PPP3CA: variants seen among roughly 807,000 people sequenced by gnomAD.
PPP3CA encodes the protein protein phosphatase 3 catalytic subunit alpha.
PPP3CA carries 14 observed loss-of-function variants against 66.5 expected under a neutral mutation model. That is an observed-to-expected ratio of 0.21 (90% confidence interval 0.14 to 0.33). The LOEUF is 0.33. PPP3CA is among the 10% of genes least tolerant of loss of function. PPP3CA has a pLI of 1.00. For synonymous variants in PPP3CA, 232 were observed against 226.2 expected (o/e 1.03, Z -0.23); for missense variants, 317 against 639.5 (o/e 0.50, Z 5.44).
chr4:101,173,369 G>T (rs1462033605), intron 2 of PPP3CA, among the ~76,000 whole-genome samples: 2 of 151,000 alleles, frequency 1.3e-5, no homozygotes, highest in African/African-American at 4.9e-5. Context: ...CAATTTGAGT[G>T]CTAAGGAAAA....
chr4:101,241,068 T>C (rs529593491), intron 1 of PPP3CA, among the ~76,000 whole-genome samples: 18 of 152,088 alleles, frequency 1.2e-4, no homozygotes, highest in African/African-American at 2.4e-4. Context: ...CGTCTCCCTA[T>C]GTTGCCCAGG....
intron 2 of PPP3CA, among the ~76,000 whole-genome samples, chr4:101,116,299 T>C (rs1721836704): frequency 6.6e-6 from 1 of 151,898 alleles, no homozygotes; most frequent in Non-Finnish European, 1.5e-5. Context: ...GTTTTTTCCA[T>C]AATAGCCACA....
intron 8 of PPP3CA, among the ~76,000 whole-genome samples, chr4:101,074,795 A>C (rs1002733473): frequency 1.3e-5 from 2 of 152,228 alleles, no homozygotes; most frequent in South Asian, 4.1e-4. Flanking sequence ...CCAAAACATC[A>C]TATTTTTCCC....
intron 1 of PPP3CA, among the ~76,000 whole-genome samples, chr4:101,222,226 AAC>A (rs1363804499): frequency 2.0e-5 from 3 of 151,620 alleles, no homozygotes; most frequent in Non-Finnish European, 3.0e-5. Context: ...CCTTATGACA[AAC>A]ACATTGTTCT....
chr4:101,078,858 G>A (rs1453680753), intron 8 of PPP3CA, among the ~76,000 whole-genome samples: 1 of 152,114 alleles, frequency 6.6e-6, no homozygotes, highest in Non-Finnish European at 1.5e-5. Context: ...ATACTTAAAA[G>A]CACGTGGCAA....
chr4:101,151,810 C>G (rs1038087771), intron 2 of PPP3CA, among the ~76,000 whole-genome samples: 2 of 151,502 alleles, frequency 1.3e-5, no homozygotes, highest in Non-Finnish European at 2.9e-5. Flanking sequence ...GAGCATGCCA[C>G]CACACCCTGC....
In PPP3CA at chr4:101,346,894, G is replaced by GCCGCCA. The variant is rs1730024263; in HGVS notation, c.-99_-98insTGGCGG. 2.8e-6 allele frequency: 4 copies of GCCGCCA among 1,414,986 alleles called. No individual in the cohort carries two copies. The highest frequency in any genetic ancestry group is 1.5e-5 in the African/African-American group (1 of 68,814). 87.7% of individuals were successfully genotyped at this position (1,414,986 alleles called of 1,614,324 possible). On this transcript the variant is annotated 5_prime_UTR_variant, in exon 1 of 14. Coordinates refer to ENST00000394854, the MANE Select transcript of PPP3CA (RefSeq NM_000944.5). ...GACACTCAACGCCGCCGCCGCCGCC[G>GCCGCCA]CCGCCGCCGCGCTGCAAACCGCTCG...
At chr4:101,169,941 T>C (rs1157466623) in intron 2 of PPP3CA, among the ~76,000 whole-genome samples, 1 of 152,196 alleles carries the variant, frequency 6.6e-6, no homozygotes, top group Non-Finnish European at 1.5e-5. Flanking sequence ...TCATGCAGTA[T>C]ATTTTGAATT....
intron 1 of PPP3CA, chr4:101,330,558 TACAGTATA>T: frequency 2.5e-6 from 1 of 406,108 alleles, no homozygotes; most frequent in South Asian, 1.9e-5. Flanking sequence ...CTTAACAGAC[TACAGTATA>T]GTGTAAACAT....
At chr4:101,266,531 T>C (rs1727176009) in intron 1 of PPP3CA, among the ~76,000 whole-genome samples, 1 of 152,202 alleles carries the variant, frequency 6.6e-6, no homozygotes, top group Non-Finnish European at 1.5e-5. Context: ...ATTCAGTCTA[T>C]ATCAACTGTC....
intron 2 of PPP3CA, among the ~76,000 whole-genome samples, chr4:101,136,263 T>A (rs1722617109): frequency 1.3e-5 from 2 of 152,162 alleles, no homozygotes; most frequent in Non-Finnish European, 2.9e-5. Context: ...TGCTATCAAA[T>A]GTGTTCATCA....
chr4:101,097,819 G>T (rs1042290936), intron 5 of PPP3CA, among the ~76,000 whole-genome samples: 1 of 152,044 alleles, frequency 6.6e-6, no homozygotes, highest in African/African-American at 2.4e-5. Flanking sequence ...ATGCTAAACT[G>T]GAGTATTTCT....
intron 10 of PPP3CA, among the ~76,000 whole-genome samples, chr4:101,056,601 T>C (rs1728233177): frequency 6.6e-6 from 1 of 152,160 alleles, no homozygotes; most frequent in Admixed American, 6.5e-5. Context: ...AAGGGCTTGA[T>C]AAATGACTCA....
At chr4:101,196,781 G>T (rs1019552592) in intron 1 of PPP3CA, among the ~76,000 whole-genome samples, 1 of 152,192 alleles carries the variant, frequency 6.6e-6, no homozygotes, top group Non-Finnish European at 1.5e-5. Context: ...CAGTGACAAA[G>T]TCCAATTATT....
At chr4:101,248,631 G>A (rs530494251) in intron 1 of PPP3CA, among the ~76,000 whole-genome samples, 1 of 152,218 alleles carries the variant, frequency 6.6e-6, no homozygotes, top group South Asian at 2.1e-4. Flanking sequence ...CAATACTGTT[G>A]ATAAAACAAA....
intron 1 of PPP3CA, among the ~76,000 whole-genome samples, chr4:101,209,483 C>T (rs1006589233): frequency 2.0e-5 from 3 of 152,050 alleles, no homozygotes; most frequent in African/African-American, 4.8e-5. Flanking sequence ...CCCTGGGGAT[C>T]GCCATGCTCA....
chr4:101,080,456 C>A, intron 8 of PPP3CA, 76 bp downstream of exon 8: 1 of 812,660 alleles, frequency 1.2e-6, no homozygotes, highest in Non-Finnish European at 1.7e-6. Context: ...ATACTTAAGA[C>A]CAAACCAAAA....
intron 1 of PPP3CA, among the ~76,000 whole-genome samples, chr4:101,222,452 G>A (rs1725656980): frequency 6.6e-6 from 1 of 151,312 alleles, no homozygotes; most frequent in African/African-American, 2.4e-5. Context: ...TTTTTTTCCA[G>A]TCCATAAATA....
Position 101,141,295 on chromosome 4 carries a change from AGGAGGT to A in PPP3CA, c.260-32223_260-32218del, listed in dbSNP as rs570845070. 4.9e-3 allele frequency among the ~76,000 whole-genome samples: 743 copies of A among 152,214 alleles called. 4 individuals carry two copies. Among genetic ancestry groups the A allele is most frequent in the African/African-American group, 0.017 (700 of 41,534 alleles). ...TGAGGCAGGAGAATTGCTTGAACCC[AGGAGGT>A]GGAGGTTGCAGTGAGTCCAGATCAC... On this transcript the variant is annotated intron_variant, in intron 2 of 13. Transcript: ENST00000394854.
Sources: allele counts gnomAD v4.1 joint callset (sites outside exome capture counted in the v4.1 genomes callset), GRCh38; gene constraint gnomAD v4.1.1; transcripts MANE v1.5; gene names NCBI Gene and HGNC (gene_info 2026-07-23, HGNC 2026-07-21).